Variants in PRKCI observed in about 807,000 individuals in gnomAD.
The protein encoded by PRKCI is protein kinase C iota, also known as protein kinase C iota type.
A neutral mutation model predicts 84.0 loss-of-function variants in PRKCI; 43 were observed. The ratio of observed to expected loss-of-function variants is 0.51; its 90% confidence interval spans 0.40 to 0.66. The LOEUF is 0.66. PRKCI is among the 30% of genes least tolerant of loss of function. The pLI is 0.00. For synonymous variants in PRKCI, 216 were observed against 234.4 expected (o/e 0.92, Z 0.72); for missense variants, 459 against 745.6 (o/e 0.62, Z 4.48).
chr3:170,299,541 T>C (rs984490403), intron 17 of PRKCI, among the ~76,000 whole-genome samples: 1 of 152,258 alleles, frequency 6.6e-6, no homozygotes, highest in African/African-American at 2.4e-5. Flanking sequence ...CTATAATTTA[T>C]ACAACCATTC....
Position 170,280,349 on chromosome 3 carries a change from A to G in PRKCI, c.828A>G (p.Thr276=), listed in dbSNP as rs1734211705. ...AKVLLVRLKK[T]DRIYAMKVVK... ...TACTGTTGGTTCGATTAAAAAAAAC[A>G]GATCGTATTTATGCAATGAAAGTTG... is the stretch of plus-strand genomic sequence containing the variant. Residue 276 remains threonine (T), a synonymous_variant, in exon 9 of 18, where the codon ACA becomes ACG. Transcript: ENST00000295797. The G allele has an allele frequency of 6.2e-7, 1 of 1,613,900 alleles. No individual in the cohort carries two copies. The highest frequency in any genetic ancestry group is 1.1e-5 in the South Asian group (1 of 91,070).
intron 2 of PRKCI, among the ~76,000 whole-genome samples, chr3:170,249,118 G>A (rs910814785): frequency 2.0e-5 from 3 of 152,024 alleles, no homozygotes; most frequent in African/African-American, 7.2e-5. Context: ...AAAGCGCTGG[G>A]ATTACAGGCA....
intron 2 of PRKCI, among the ~76,000 whole-genome samples, chr3:170,250,849 G>C (rs1377230368): frequency 6.6e-6 from 1 of 152,098 alleles, no homozygotes; most frequent in African/African-American, 2.4e-5. Context: ...TATACACTTA[G>C]ACTTGTTATT....
At chr3:170,288,992 G>T (rs1017095234) in intron 12 of PRKCI, among the ~76,000 whole-genome samples, 2 of 152,094 alleles carry the variant, frequency 1.3e-5, no homozygotes, top group African/African-American at 4.8e-5. Context: ...TTATTAAGTG[G>T]CAGCCTTTCG....
chr3:170,292,838 G>T (rs112162367), intron 13 of PRKCI, among the ~76,000 whole-genome samples: 1 of 151,738 alleles, frequency 6.6e-6, no homozygotes, highest in African/African-American at 2.4e-5. Flanking sequence ...TCAGGAAATC[G>T]AGACCATTCT....
In PRKCI at chr3:170,295,943, T is replaced by A; in HGVS notation, c.1450T>A (p.Ser484Thr). The change falls in exon 15 of 18, where the codon TCT becomes ACT. Residue 484 changes from serine to threonine, a missense_variant. Ser to Thr is a moderately conservative substitution (Grantham distance 58, BLOSUM62 1). Around this residue, in one of 2 missense-constraint regions of PRKCI, gnomAD observed 209 missense variants for 425.9 expected, o/e 0.49. Transcript: ENST00000295797. ...GGAAAAACAAATTCGCATACCACGTTCTCTGTCTGTAAAAGCTGCAAGTGT... is the reference window on the plus strand; with the variant it reads ...GGAAAAACAAATTCGCATACCACGTACTCTGTCTGTAAAAGCTGCAAGTGT... ...ILEKQIRIPR[S>T]LSVKAASVLK... 6.3e-7 allele frequency: 1 copy of A among 1,575,836 alleles called. No individual in the cohort carries two copies. The highest frequency in any genetic ancestry group is 8.6e-7 in the Non-Finnish European group (1 of 1,156,694).
At chr3:170,260,171 C>T in intron 3 of PRKCI, 113 bp downstream of exon 3, 1 of 659,144 alleles carries the variant, frequency 1.5e-6, no homozygotes, top group Non-Finnish European at 2.5e-6. Context: ...ATCTCTGTGA[C>T]TCATGCCTAA....
intron 4 of PRKCI, among the ~76,000 whole-genome samples, chr3:170,263,782 A>C (rs976902431): frequency 8.5e-5 from 13 of 152,054 alleles, no homozygotes; most frequent in African/African-American, 2.9e-4. Context: ...TGGGTGACAG[A>C]GACAGGCCTT....
intron 14 of PRKCI, among the ~76,000 whole-genome samples, chr3:170,294,860 T>C (rs184176298): frequency 9.9e-4 from 151 of 152,274 alleles, no homozygotes; most frequent in African/African-American, 3.5e-3. Context: ...ACTTCAGTTA[T>C]ATATGTAATA....
intron 12 of PRKCI, among the ~76,000 whole-genome samples, chr3:170,287,912 A>C (rs1288203313): frequency 6.7e-6 from 1 of 149,270 alleles, no homozygotes; most frequent in Non-Finnish European, 1.5e-5. Flanking sequence ...CTGTCTCAAA[A>C]AAAAAAAAAA....
chr3:170,230,415 C>G (rs545889064), intron 1 of PRKCI, among the ~76,000 whole-genome samples: 1 of 152,106 alleles, frequency 6.6e-6, no homozygotes, highest in Non-Finnish European at 1.5e-5. Context: ...ACTGCAGCCT[C>G]TGCCTCCTGG....
intron 12 of PRKCI, among the ~76,000 whole-genome samples, chr3:170,285,891 G>A (rs964014815): frequency 1.3e-5 from 2 of 148,450 alleles, no homozygotes; most frequent in South Asian, 2.1e-4. Context: ...ATTAAGGTGC[G>A]CCCCACCATC....
At chr3:170,277,365 A>G (rs1734141219) in intron 8 of PRKCI, among the ~76,000 whole-genome samples, 1 of 152,132 alleles carries the variant, frequency 6.6e-6, no homozygotes, top group Non-Finnish European at 1.5e-5. Context: ...AGAAATAGAA[A>G]TCAAAACCAC....
intron 1 of PRKCI, among the ~76,000 whole-genome samples, chr3:170,234,963 A>G (rs1176535279): frequency 1.3e-5 from 2 of 151,404 alleles, no homozygotes; most frequent in African/African-American, 4.9e-5. Context: ...TATTTTTAGT[A>G]GAGACGGGGT....
At position 170,288,876 on chromosome 3, in the gene PRKCI, A is replaced by G. The variant is rs140811444; in HGVS notation, c.1204-2978A>G. On this transcript the variant is annotated intron_variant, in intron 12 of 17. Transcript: ENST00000295797. ...TTTAACTTACCTGAAGCTTGACTTC[A>G]TGCAAGTGTTGGATGAATTTCTTTA... 2.8e-3 allele frequency among the ~76,000 whole-genome samples: 432 copies of G among 152,374 alleles called. 2 individuals carry two copies. Among genetic ancestry groups the G allele is most frequent in the Admixed American group, 0.018 (269 of 15,300 alleles).
intron 1 of PRKCI, among the ~76,000 whole-genome samples, chr3:170,226,978 C>A (rs1470040887): frequency 4.6e-5 from 7 of 152,174 alleles, no homozygotes. Context: ...TTGGTCAGCA[C>A]TGGGAACTGA....
intron 2 of PRKCI, among the ~76,000 whole-genome samples, chr3:170,252,436 C>T (rs370655280): frequency 2.5e-4 from 38 of 151,952 alleles, no homozygotes; most frequent in African/African-American, 6.0e-4. Context: ...AATCATGTTG[C>T]GTAAATGGGA....
intron 2 of PRKCI, among the ~76,000 whole-genome samples, chr3:170,237,888 G>A (rs1343096074): frequency 6.6e-6 from 1 of 152,104 alleles, no homozygotes; most frequent in Non-Finnish European, 1.5e-5. Flanking sequence ...GAATAGCTTA[G>A]TATGTATCCT....
At chr3:170,235,209 A>C in intron 1 of PRKCI, 21 bp from the exon 2 acceptor site, 2 of 1,609,546 alleles carry the variant, frequency 1.2e-6, no homozygotes, top group Non-Finnish European at 1.7e-6. Context: ...TTTCAAACTG[A>C]AAACTCCTTT....
Sources: allele counts gnomAD v4.1 joint callset (sites outside exome capture counted in the v4.1 genomes callset), GRCh38; gene constraint gnomAD v4.1.1; regional missense constraint gnomAD v4.1.1; transcripts MANE v1.5; gene names NCBI Gene and HGNC (gene_info 2026-07-23, HGNC 2026-07-21).